Variants in PTCHD4 observed in about 807,000 individuals in gnomAD.
PTCHD4 encodes patched domain containing 4.
Under a neutral mutation model 58.1 loss-of-function variants are expected in PTCHD4, and 33 were observed. The observed-to-expected ratio is 0.57, with a 90% CI of 0.43 to 0.76. The LOEUF (loss-of-function observed/expected upper bound fraction) is 0.76, where lower values mean the gene tolerates loss of function less well. Ranked by LOEUF, PTCHD4 falls within the 30% of genes least tolerant of loss-of-function variation. PTCHD4 has a pLI of 0.00. For missense variants in PTCHD4, 1,058 were observed against 1,027.1 expected, an observed-to-expected ratio of 1.03 and a Z score of -0.41; for synonymous variants, 478 against 409.6, an observed-to-expected ratio of 1.17 and a Z score of -2.02.
chr6:47,935,712 G>T (rs927397543), intron 4 of PTCHD4, among the ~76,000 whole-genome samples: 9 of 152,010 alleles, frequency 5.9e-5, no homozygotes, highest in African/African-American at 2.2e-4. Context: ...TTACTGATTA[G>T]GTGCCAGACA....
chr6:47,991,762 ATTTCC>A (rs1331076156), intron 4 of PTCHD4, among the ~76,000 whole-genome samples: 1 of 152,074 alleles, frequency 6.6e-6, no homozygotes, highest in African/African-American at 2.4e-5. Context: ...TTAATTTTAG[ATTTCC>A]TAAATATGAA....
intron 3 of PTCHD4, among the ~76,000 whole-genome samples, chr6:48,057,437 C>T (rs2113863385): frequency 6.6e-6 from 1 of 152,226 alleles, no homozygotes; most frequent in African/African-American, 2.4e-5. Flanking sequence ...AAGCTAAATG[C>T]CCTATTAGTT....
chr6:47,938,326 G>A (rs891939742), intron 4 of PTCHD4, among the ~76,000 whole-genome samples: 15 of 152,180 alleles, frequency 9.9e-5, no homozygotes, highest in African/African-American at 3.6e-4. Flanking sequence ...TTGTGATTCT[G>A]TATGTCTAAC....
intron 1 of PTCHD4, among the ~76,000 whole-genome samples, chr6:48,087,935 C>T (rs549718994): frequency 6.6e-6 from 1 of 152,042 alleles, no homozygotes; most frequent in African/African-American, 2.4e-5. Context: ...GTATACAGAA[C>T]ATGTTGACAT....
Position 47,861,624 on chromosome 6 carries a change from C to T in PTCHD4, c.*16679G>A, listed in dbSNP as rs1763428087. On this transcript the variant is annotated 3_prime_UTR_variant, in exon 5 of 5. Transcript: ENST00000339488. ...AGCAACTTCTATTTATTATGGAAGA[C>T]ATGTTAACTAAGAATCTTGAACAAT... is the stretch of plus-strand genomic sequence containing the variant. 6.6e-6 allele frequency among the ~76,000 whole-genome samples: 1 copy of T among 151,896 alleles called. No individual in the cohort carries two copies. Among genetic ancestry groups the T allele is most frequent in the African/African-American group, 2.4e-5 (1 of 41,392 alleles).
chr6:47,933,330 T>C (rs1176189543), intron 4 of PTCHD4, among the ~76,000 whole-genome samples: 1 of 152,226 alleles, frequency 6.6e-6, no homozygotes, highest in East Asian at 1.9e-4. Context: ...TTACTGGATA[T>C]TCTTCTAGAT....
rs569982481 is a variant in PTCHD4, at chr6:48,004,842, G to A, written c.898+3792C>T. On this transcript the variant is annotated intron_variant, in intron 4 of 4. Transcript: ENST00000339488. ...TGAGGCAGGAGAATCACTTGAACCCGGAAGGTGGAGGTTGCAGTGAGCCAA... is the reference window on the plus strand; with the variant it reads ...TGAGGCAGGAGAATCACTTGAACCCAGAAGGTGGAGGTTGCAGTGAGCCAA... Among the ~76,000 whole-genome samples, 7 of 152,208 alleles carry A rather than the reference G, an allele frequency of 4.6e-5. No individual in the cohort carries two copies. In the East Asian group the frequency reaches 5.8e-4, roughly 13 times the overall value.
At chr6:47,983,425 G>C (rs530014053) in intron 4 of PTCHD4, among the ~76,000 whole-genome samples, 1 of 151,986 alleles carries the variant, frequency 6.6e-6, no homozygotes, top group Non-Finnish European at 1.5e-5. Flanking sequence ...CTTTCTTACT[G>C]TTCAGACAAA....
chr6:47,917,973 G>C (rs148313685), intron 4 of PTCHD4, among the ~76,000 whole-genome samples: 1 of 152,084 alleles, frequency 6.6e-6, no homozygotes, highest in Non-Finnish European at 1.5e-5. Context: ...TAGAGGTGGC[G>C]GGGGGATGGA....
At chr6:47,990,016 C>T (rs1046856677) in intron 4 of PTCHD4, among the ~76,000 whole-genome samples, 3 of 152,334 alleles carry the variant, frequency 2.0e-5, no homozygotes, top group Admixed American at 1.3e-4. Flanking sequence ...CCAAGACCAT[C>T]GAACCCATCT....
chr6:48,040,568 A>G (rs1318777201), intron 3 of PTCHD4, among the ~76,000 whole-genome samples: 1 of 152,114 alleles, frequency 6.6e-6, no homozygotes, highest in Non-Finnish European at 1.5e-5. Flanking sequence ...GGGTGGTTCT[A>G]TATTACGAAC....
intron 4 of PTCHD4, among the ~76,000 whole-genome samples, chr6:47,903,763 T>G (rs1357199507): frequency 3.3e-5 from 5 of 152,180 alleles, no homozygotes; most frequent in Non-Finnish European, 7.4e-5. Context: ...AGACAAACAA[T>G]AAATAACATA....
intron 4 of PTCHD4, among the ~76,000 whole-genome samples, chr6:47,923,022 G>T (rs1765482431): frequency 6.6e-6 from 1 of 152,166 alleles, no homozygotes; most frequent in South Asian, 2.1e-4. Context: ...TATCATCTGA[G>T]TTTTCAGTTT....
At chr6:48,050,436 A>G (rs1000078521) in intron 3 of PTCHD4, among the ~76,000 whole-genome samples, 1 of 152,038 alleles carries the variant, frequency 6.6e-6, no homozygotes, top group Non-Finnish European at 1.5e-5. Context: ...GACTGAGGGA[A>G]CTATATGGCT....
chr6:48,108,260 A>T (rs1765784138), intron 1 of PTCHD4, among the ~76,000 whole-genome samples: 1 of 152,326 alleles, frequency 6.6e-6, no homozygotes, highest in African/African-American at 2.4e-5. Context: ...ACCATGGAAT[A>T]CTATGCAGCC....
intron 3 of PTCHD4, among the ~76,000 whole-genome samples, chr6:48,054,749 C>T (rs1394107575): frequency 6.6e-6 from 1 of 152,060 alleles, no homozygotes; most frequent in African/African-American, 2.4e-5. Context: ...AACATGCACC[C>T]TATGATGACA....
At chr6:48,108,688 G>T (rs1182023809) in intron 1 of PTCHD4, among the ~76,000 whole-genome samples, 1 of 151,762 alleles carries the variant, frequency 6.6e-6, no homozygotes, top group Non-Finnish European at 1.5e-5. Flanking sequence ...AACAATTATA[G>T]CCTTATCTGC....
Position 47,867,439 on chromosome 6 carries a change from C to A in PTCHD4, c.*10864G>T, listed in dbSNP as rs556198320. ...GACTGTGTATTTACATTTTGTAAAC[C>A]ATTCACTGCATTTAAGCCCAAGGAT... On this transcript the variant is annotated 3_prime_UTR_variant, in exon 5 of 5. Coordinates refer to ENST00000339488, the MANE Select transcript of PTCHD4 (RefSeq NM_001384253.1). Among the ~76,000 whole-genome samples, 3 of 151,752 alleles carry A rather than the reference C, an allele frequency of 2.0e-5. No individual in the cohort carries two copies. Among genetic ancestry groups the A allele is most frequent in the South Asian group, 4.2e-4 (2 of 4,818 alleles).
At chr6:47,903,315 A>ATT (rs35326763) in intron 4 of PTCHD4, among the ~76,000 whole-genome samples, 2 of 151,700 alleles carry the variant, frequency 1.3e-5, no homozygotes, top group Non-Finnish European at 2.9e-5. Context: ...TCATTCTTTC[A>ATT]TTTTTTCTTT....
Sources: allele counts gnomAD v4.1 joint callset (sites outside exome capture counted in the v4.1 genomes callset), GRCh38; gene constraint gnomAD v4.1.1; transcripts MANE v1.5; gene names NCBI Gene and HGNC (gene_info 2026-07-23, HGNC 2026-07-21).